The following USH2A variants were observed in gnomAD, a reference collection of about 807,000 sequenced individuals.
USH2A encodes the protein usherin.
In USH2A, 443 loss-of-function variants were observed where a neutral mutation model predicts 538.9. That is an observed-to-expected ratio of 0.82 (90% confidence interval 0.76 to 0.89). The LOEUF (loss-of-function observed/expected upper bound fraction) is 0.89, where lower values mean the gene tolerates loss of function less well. Ranked by LOEUF, USH2A falls within the 40% of genes least tolerant of loss-of-function variation. USH2A has a pLI of 0.00. For missense variants in USH2A, 6,633 were observed against 6,324.8 expected, an observed-to-expected ratio of 1.05 and a Z score of -1.65; for synonymous variants, 2,413 against 2,273.5, an observed-to-expected ratio of 1.06 and a Z score of -1.75.
At chr1:216,251,165 T>C (rs1049465185) in intron 11 of USH2A, 67 bp from the exon 12 acceptor site, 5 of 1,530,810 alleles carry the variant, frequency 3.3e-6, no homozygotes, top group Non-Finnish European at 3.6e-6. Context: ...GCTCATTAGG[T>C]ACAAGACAGG....
chr1:216,324,031 G>C, intron 7 of USH2A, 137 bp downstream of exon 7: 1 of 928,536 alleles, frequency 1.1e-6, no homozygotes, highest in Non-Finnish European at 1.6e-6. Flanking sequence ...GCCCAATTTA[G>C]GGATAAGACT....
chr1:215,832,009 T>G (rs1663332525), intron 47 of USH2A, among the ~76,000 whole-genome samples: 2 of 151,990 alleles, frequency 1.3e-5, no homozygotes, highest in Admixed American at 1.3e-4. Context: ...ACAAACATAC[T>G]ACAAACAACT....
chr1:216,271,668 T>A (rs1055263984), intron 11 of USH2A, among the ~76,000 whole-genome samples: 1 of 152,098 alleles, frequency 6.6e-6, no homozygotes, highest in African/African-American at 2.4e-5. Context: ...AGATGCCCTT[T>A]TCAGTTTGAG....
At chr1:215,720,325 T>C (rs143418833) in intron 61 of USH2A, among the ~76,000 whole-genome samples, 21 of 152,286 alleles carry the variant, frequency 1.4e-4, no homozygotes, top group African/African-American at 5.1e-4. Context: ...ATTGGGAGTG[T>C]TGCCAGAAAA....
intron 20 of USH2A, among the ~76,000 whole-genome samples, chr1:216,185,406 T>C (rs1359627947): frequency 6.6e-6 from 1 of 151,950 alleles, no homozygotes; most frequent in African/African-American, 2.4e-5. Flanking sequence ...TCTTCACAAG[T>C]ATCTTTCTGA....
intron 21 of USH2A, among the ~76,000 whole-genome samples, chr1:216,135,390 A>G (rs1465910230): frequency 6.6e-6 from 1 of 151,962 alleles, no homozygotes; most frequent in Non-Finnish European, 1.5e-5. Flanking sequence ...TCGGTGGTCA[A>G]GAAGTTGTAG....
chr1:216,136,249 C>T (rs1021255944), intron 21 of USH2A, among the ~76,000 whole-genome samples: 4 of 152,160 alleles, frequency 2.6e-5, no homozygotes, highest in African/African-American at 9.6e-5. Flanking sequence ...TATGCTATCT[C>T]TATAAATATA....
chr1:216,137,557 T>G (rs2033510734), intron 21 of USH2A, among the ~76,000 whole-genome samples: 2 of 152,006 alleles, frequency 1.3e-5, no homozygotes, highest in Admixed American at 6.6e-5. Context: ...CCAGTCCAAG[T>G]CCCAAAACTG....
At chr1:216,367,969 G>A (rs761084666) in intron 3 of USH2A, among the ~76,000 whole-genome samples, 13 of 152,262 alleles carry the variant, frequency 8.5e-5, no homozygotes, top group East Asian at 1.9e-4. Context: ...AGAGGAGCTC[G>A]TGCATGTTTA....
At chr1:215,828,423 A>T (rs1017115210) in intron 47 of USH2A, among the ~76,000 whole-genome samples, 1 of 152,206 alleles carries the variant, frequency 6.6e-6, no homozygotes, top group African/African-American at 2.4e-5. Context: ...CTTGGGTGAC[A>T]GAACGAGATC....
At position 216,394,879 on chromosome 1, in the gene USH2A, C is replaced by T. The variant is rs1056090033; in HGVS notation, c.651+23635G>A. On this transcript the variant is annotated intron_variant, in intron 3 of 71. Coordinates refer to ENST00000307340, the MANE Select transcript of USH2A (RefSeq NM_206933.4). ...GACTACAGGCGCCCGCCACCACGCCCGGCTAATTTTTTGTATTTTTAGTAG... is the reference window on the plus strand; with the variant it reads ...GACTACAGGCGCCCGCCACCACGCCTGGCTAATTTTTTGTATTTTTAGTAG... Among the ~76,000 whole-genome samples, 3 of 151,838 alleles carry T rather than the reference C, an allele frequency of 2.0e-5. No homozygotes were observed. In the East Asian group the frequency reaches 5.9e-4, roughly 30 times the overall value.
In USH2A at chr1:215,758,704, A is replaced by T. The variant is rs1350947236; in HGVS notation, c.11280T>A (p.Ser3760Arg). ...EVKTGGGSSA[S>R]DDYIVQTPMS... ...TAGGTGTTTGAACAATGTAATCATC[A>T]CTAGCACTGCTGCCACCTCCAGTTT... The change falls in exon 58 of 72, where the codon AGT (serine) becomes AGA (arginine). Residue 3760 changes from serine to arginine, a missense_variant. By Grantham distance (110) the Ser-to-Arg change is moderately radical. Coordinates refer to ENST00000307340, the MANE Select transcript of USH2A (RefSeq NM_206933.4). 6.2e-7 allele frequency: 1 copy of T among 1,614,006 alleles called. No individual in the cohort carries two copies. The highest frequency in any genetic ancestry group is 1.1e-5 in the South Asian group (1 of 91,084).
At chr1:216,418,818 T>G (rs1196028018) in intron 2 of USH2A, 139 bp from the exon 3 acceptor site, 1 of 771,476 alleles carries the variant, frequency 1.3e-6, no homozygotes, top group Non-Finnish European at 2.2e-6. Context: ...TGCCTGAATG[T>G]CATTATATTC....
intron 61 of USH2A, among the ~76,000 whole-genome samples, chr1:215,717,993 A>G (rs1324934823): frequency 6.6e-6 from 1 of 152,190 alleles, no homozygotes; most frequent in African/African-American, 2.4e-5. Flanking sequence ...ATGTGTAGTC[A>G]TTATCAAAAT....
intron 9 of USH2A, 25 bp downstream of exon 9, chr1:216,321,858 T>C (rs1338812784): frequency 6.3e-7 from 1 of 1,594,752 alleles, no homozygotes; most frequent in Non-Finnish European, 8.6e-7. Context: ...TTTTTTTAGA[T>C]TTCCATGCAT....
intron 16 of USH2A, among the ~76,000 whole-genome samples, chr1:216,206,397 G>T (rs887410190): frequency 6.6e-6 from 1 of 152,026 alleles, no homozygotes; most frequent in Non-Finnish European, 1.5e-5. Context: ...TGATTCAAGC[G>T]CATTATATTT....
At position 216,097,947 on chromosome 1, in the gene USH2A, A is replaced by G. The variant is rs549605004; in HGVS notation, c.4628-734T>C. 6.0e-4 allele frequency among the ~76,000 whole-genome samples: 90 copies of G among 150,104 alleles called. 2 individuals carry two copies. Among genetic ancestry groups the G allele is most frequent in the African/African-American group, 2.0e-3 (83 of 40,622 alleles). On this transcript the variant is annotated intron_variant, in intron 21 of 71. Transcript: ENST00000307340. ...ATTACATGGCCCCATCTCCAGTCCT[A>G]TGAATGATGCCTCCCCCCTACCTTT... is the stretch of plus-strand genomic sequence containing the variant.
Position 215,675,424 on chromosome 1 carries a change from C to G in USH2A, c.12487G>C (p.Val4163Leu), listed in dbSNP as rs145439260. The change falls in exon 63 of 72, where the codon GTC becomes CTC. Residue 4163 changes from valine to leucine, a missense_variant. Physicochemically the swap from Val to Leu is conservative, Grantham distance 32 (BLOSUM62 1). Coordinates refer to ENST00000307340, the MANE Select transcript of USH2A (RefSeq NM_206933.4). ...APPDSQLAPT[V>L]HSVKSTSVEL... ...ACACTGGTGGACTTCACAGAGTGGA[C>G]AGTAGGAGCCAGCTGAGAGTCTGGA... is the stretch of plus-strand genomic sequence containing the variant. 1.2e-6 allele frequency: 2 copies of G among 1,613,986 alleles called. No individual in the cohort carries two copies. The highest frequency in any genetic ancestry group is 1.7e-6 in the Non-Finnish European group (2 of 1,179,922).
chr1:215,876,045 G>A (rs1042809600), intron 43 of USH2A, among the ~76,000 whole-genome samples: 1 of 151,410 alleles, frequency 6.6e-6, no homozygotes, highest in African/African-American at 2.4e-5. Flanking sequence ...TTGAGGTCAA[G>A]GGCTAAGATG....
Sources: gnomAD v4.1 joint callset for allele counts (sites outside exome capture counted in the v4.1 genomes callset) on GRCh38, gnomAD v4.1.1 for gene constraint, MANE v1.5 for transcripts, NCBI Gene and HGNC (gene_info 2026-07-23, HGNC 2026-07-21) for gene names.